EDA: variants seen among roughly 807,000 people sequenced by gnomAD.
EDA encodes the protein ectodysplasin-A.
A neutral mutation model predicts 23.6 loss-of-function variants in EDA; 2 were observed. The ratio of observed to expected loss-of-function variants is 0.08; its 90% CI spans 0.03 to 0.27. The LOEUF (loss-of-function observed/expected upper bound fraction) is 0.27, where lower values mean the gene tolerates loss of function less well. EDA is among the 10% of genes least tolerant of loss of function. EDA has a pLI of 1.00. For synonymous variants in EDA, 131 were observed against 132.0 expected, an observed-to-expected ratio of 0.99 and a Z score of 0.05; for missense variants, 229 against 324.2, an observed-to-expected ratio of 0.71 and a Z score of 2.26.
intron 1 of EDA, among the ~76,000 whole-genome samples, chrX:69,756,281 G>C (rs959590391): frequency 8.9e-6 from 1 of 112,122 alleles, no homozygotes; most frequent in East Asian, 2.8e-4. Flanking sequence ...TATTAACCAG[G>C]ATGTTGCCTC....
chrX:69,702,189 C>T (rs1466323711), intron 1 of EDA, among the ~76,000 whole-genome samples: 1 of 111,322 alleles, frequency 9.0e-6, no homozygotes, highest in Non-Finnish European at 1.9e-5. Context: ...GACACTCTAG[C>T]ACAGGTGCTG....
intron 1 of EDA, among the ~76,000 whole-genome samples, chrX:69,653,486 G>T (rs917873313): frequency 4.5e-5 from 5 of 110,618 alleles, no homozygotes; most frequent in African/African-American, 1.6e-4. Context: ...CTGCCTGATT[G>T]CCCTGGCCAG....
At chrX:69,896,956 C>T (rs898738732) in intron 1 of EDA, among the ~76,000 whole-genome samples, 1 of 111,620 alleles carries the variant, frequency 9.0e-6, no homozygotes, top group Non-Finnish European at 1.9e-5. Context: ...ACTTAATTTC[C>T]TATCACTTTT....
At chrX:69,801,515 A>G (rs957737337) in intron 1 of EDA, among the ~76,000 whole-genome samples, 5 of 111,551 alleles carry the variant, frequency 4.5e-5, no homozygotes, top group African/African-American at 1.6e-4. Context: ...TAAGAAGTTT[A>G]TAAATTTGAC....
chrX:69,679,920 C>T (rs1392123527), intron 1 of EDA, among the ~76,000 whole-genome samples: 2 of 105,248 alleles, frequency 1.9e-5, no homozygotes, highest in Non-Finnish European at 3.9e-5. Context: ...GTTAGGGTGT[C>T]AATTTTGGAT....
intron 2 of EDA, among the ~76,000 whole-genome samples, chrX:70,019,703 T>C (rs1405731803): frequency 8.9e-6 from 1 of 111,826 alleles, no homozygotes; most frequent in Non-Finnish European, 1.9e-5. Flanking sequence ...TGAATACATA[T>C]GGACACAAAG....
intron 1 of EDA, among the ~76,000 whole-genome samples, chrX:69,740,431 T>A (rs1382727517): frequency 8.9e-6 from 1 of 111,782 alleles, no homozygotes; most frequent in Non-Finnish European, 1.9e-5. Context: ...GATGGTGTTT[T>A]TTTTTGTTTG....
At chrX:69,748,918 G>A (rs964338348) in intron 1 of EDA, among the ~76,000 whole-genome samples, 5 of 111,554 alleles carry the variant, frequency 4.5e-5, no homozygotes, top group Non-Finnish European at 1.9e-5. Flanking sequence ...AGAAATGTAA[G>A]ACTAGCCCAA....
intron 1 of EDA, among the ~76,000 whole-genome samples, chrX:69,863,874 A>G (rs2017441777): frequency 9.1e-6 from 1 of 110,311 alleles, no homozygotes; most frequent in Non-Finnish European, 1.9e-5. Context: ...AAACGATCTT[A>G]TACACATGCA....
At chrX:69,852,474 A>G (rs944532970) in intron 1 of EDA, among the ~76,000 whole-genome samples, 3 of 112,007 alleles carry the variant, frequency 2.7e-5, no homozygotes, top group African/African-American at 9.7e-5. Context: ...AAATAATCAG[A>G]CATCACAAAT....
At chrX:69,775,230 G>A (rs2014745368) in intron 1 of EDA, among the ~76,000 whole-genome samples, 1 of 111,296 alleles carries the variant, frequency 9.0e-6, no homozygotes, top group African/African-American at 3.3e-5. Context: ...TGTTGTTCAT[G>A]TTCTTGTATG....
At chrX:69,852,108 GGTAGGAA>G (rs1229336209) in intron 1 of EDA, among the ~76,000 whole-genome samples, 1 of 111,820 alleles carries the variant, frequency 8.9e-6, no homozygotes, top group Non-Finnish European at 1.9e-5. Flanking sequence ...CTTCACGGAG[GGTAGGAA>G]GTTTGGCATT....
chrX:69,841,713 A>G (rs1413549544), intron 1 of EDA, among the ~76,000 whole-genome samples: 1 of 111,988 alleles, frequency 8.9e-6, no homozygotes, highest in Non-Finnish European at 1.9e-5. Context: ...AGCTGAATAA[A>G]TAGTAAGGGA....
intron 1 of EDA, among the ~76,000 whole-genome samples, chrX:69,697,660 A>T (rs1355118103): frequency 2.7e-5 from 3 of 111,414 alleles, no homozygotes. Context: ...TATTAGTGGG[A>T]TAATACAGGG....
intron 2 of EDA, among the ~76,000 whole-genome samples, chrX:69,990,099 A>G (rs2019563316): frequency 9.1e-6 from 1 of 110,465 alleles, no homozygotes; most frequent in African/African-American, 3.3e-5. Flanking sequence ...TCAGTTCGAC[A>G]TATTCTTGGT....
chrX:69,879,388 A>G (rs766782404), intron 1 of EDA, among the ~76,000 whole-genome samples: 1 of 111,745 alleles, frequency 8.9e-6, no homozygotes, highest in East Asian at 2.8e-4. Flanking sequence ...TTTCTGTCAC[A>G]TACTCATCAC....
At chrX:69,937,001 A>G (rs1367509278) in intron 1 of EDA, among the ~76,000 whole-genome samples, 3 of 108,620 alleles carry the variant, frequency 2.8e-5, no homozygotes, top group Non-Finnish European at 5.7e-5. Context: ...TGAGATAGGA[A>G]CGATCATACT....
chrX:69,680,217 T>G (rs1252975578), intron 1 of EDA, among the ~76,000 whole-genome samples: 1 of 80,595 alleles, frequency 1.2e-5, no homozygotes, highest in Non-Finnish European at 2.2e-5. Flanking sequence ...CTTTTACATT[T>G]GCTGAGGAGA....
intron 1 of EDA, among the ~76,000 whole-genome samples, chrX:69,681,429 G>T (rs1394712719): frequency 9.9e-5 from 11 of 111,117 alleles, no homozygotes; most frequent in East Asian, 2.8e-4. Context: ...TCCAACTTGG[G>T]TCCATTCTCC....
Sources: allele counts gnomAD v4.1 joint callset (sites outside exome capture counted in the v4.1 genomes callset), GRCh38; gene constraint gnomAD v4.1.1; transcripts MANE v1.5; gene names NCBI Gene and HGNC (gene_info 2026-07-23, HGNC 2026-07-21).